Variants in SMAP1 observed in about 807,000 individuals in gnomAD.
The protein encoded by SMAP1 is small ArfGAP 1, also known as stromal membrane-associated protein 1.
In SMAP1, 24 loss-of-function variants were observed where a neutral mutation model predicts 58.5. The ratio of observed to expected loss-of-function variants is 0.41; its 90% CI spans 0.30 to 0.58. SMAP1 has a LOEUF of 0.58. SMAP1 is among the 20% of genes least tolerant of loss of function. The pLI is 0.29. For synonymous variants in SMAP1, 216 were observed against 196.6 expected (o/e 1.10, Z -0.82); for missense variants, 563 against 566.3 (o/e 0.99, Z 0.06).
intron 7 of SMAP1, among the ~76,000 whole-genome samples, chr6:70,846,277 C>T (rs926108200): frequency 2.6e-5 from 4 of 152,132 alleles, no homozygotes; most frequent in African/African-American, 9.7e-5. Flanking sequence ...AGAAATCCTC[C>T]CATAACCTGT....
At chr6:70,846,961 C>G (rs1405853353) in intron 7 of SMAP1, among the ~76,000 whole-genome samples, 1 of 152,158 alleles carries the variant, frequency 6.6e-6, no homozygotes, top group Non-Finnish European at 1.5e-5. Context: ...ATCAGAGTAT[C>G]TGGCACATAG....
intron 6 of SMAP1, among the ~76,000 whole-genome samples, chr6:70,817,138 ATT>A (rs34064328): frequency 5.0e-5 from 7 of 140,514 alleles, no homozygotes; most frequent in African/African-American, 1.4e-4. Context: ...ATATATATAT[ATT>A]TTTTTTTTGC....
chr6:70,771,984 G>C (rs1384631145), intron 3 of SMAP1, among the ~76,000 whole-genome samples: 1 of 152,194 alleles, frequency 6.6e-6, no homozygotes, highest in African/African-American at 2.4e-5. Flanking sequence ...CAGGGCACAA[G>C]GTGGGAACCA....
chr6:70,819,742 G>C lies in SMAP1; in HGVS notation c.577-17199G>C, dbSNP rs189324658. 9.8e-5 allele frequency among the ~76,000 whole-genome samples: 15 copies of C among 152,322 alleles called. No homozygotes were observed. The East Asian group carries it at 2.5e-3, about 25-fold the overall frequency. On this transcript the variant is annotated intron_variant, in intron 6 of 10. Coordinates refer to ENST00000370455, the MANE Select transcript of SMAP1 (RefSeq NM_001044305.3). ...AATATGTTGAAGTCGCATAAGAACA[G>C]TGTTATTTCCAAGATTTCGAAATAG... is the stretch of plus-strand genomic sequence containing the variant.
At position 70,772,610 on chromosome 6, in the gene SMAP1, G is replaced by A. The variant is rs577121813; in HGVS notation, c.339-740G>A. 1.6e-4 allele frequency among the ~76,000 whole-genome samples: 25 copies of A among 152,210 alleles called. No individual in the cohort carries two copies. The East Asian group carries it at 2.7e-3, about 16-fold the overall frequency. ...TGGTAAGAGAAGTTATTGATGTCAC[G>A]TAACTCTAAACACTCAATCCCAGTA... On this transcript the variant is annotated intron_variant, in intron 3 of 10. Transcript: ENST00000370455.
chr6:70,797,937 A>G (rs924717612), intron 5 of SMAP1, among the ~76,000 whole-genome samples: 3 of 151,884 alleles, frequency 2.0e-5, no homozygotes, highest in African/African-American at 7.3e-5. Context: ...ATTTTCCTCT[A>G]TTGGCCCTTA....
intron 4 of SMAP1, among the ~76,000 whole-genome samples, chr6:70,779,838 G>A (rs1397194656): frequency 2.6e-5 from 4 of 152,182 alleles, no homozygotes; most frequent in Admixed American, 1.3e-4. Context: ...AAGCAGTGAT[G>A]CTAGTGCTGG....
chr6:70,820,432 C>T (rs1288891942), intron 6 of SMAP1, among the ~76,000 whole-genome samples: 1 of 152,134 alleles, frequency 6.6e-6, no homozygotes, highest in Non-Finnish European at 1.5e-5. Flanking sequence ...ATTATTTAGG[C>T]CGGGTGCAAT....
chr6:70,822,679 G>GT (rs1188261901), intron 6 of SMAP1, among the ~76,000 whole-genome samples: 1 of 152,084 alleles, frequency 6.6e-6, no homozygotes, highest in Admixed American at 6.6e-5. Context: ...TGGATGTGTG[G>GT]TTTTGTATCC....
At chr6:70,821,161 TCAA>T (rs1303051070) in intron 6 of SMAP1, among the ~76,000 whole-genome samples, 3 of 152,152 alleles carry the variant, frequency 2.0e-5, no homozygotes, top group Non-Finnish European at 4.4e-5. Context: ...TAGATTTATA[TCAA>T]CAAGATTAAG....
In SMAP1 at chr6:70,690,135, G is replaced by A. The variant is rs143190651; in HGVS notation, c.118+21994G>A. ...GCTTGTTTTGTTCCTGATACTAAGG[G>A]AGAAAGGGTTCAGACTTTATCTTTT... On this transcript the variant is annotated intron_variant, in intron 1 of 10. Transcript: ENST00000370455. Among the ~76,000 whole-genome samples the A allele has an allele frequency of 4.1e-4, 63 of 152,260 alleles. No homozygotes were observed. In the East Asian group the frequency reaches 8.7e-3, roughly 21 times the overall value.
intron 5 of SMAP1, among the ~76,000 whole-genome samples, chr6:70,794,037 G>A (rs1768490084): frequency 6.6e-6 from 1 of 152,058 alleles, no homozygotes. Context: ...CCGGCCCTAT[G>A]TCTTTATTTA....
chr6:70,667,980 C>A lies in SMAP1; in HGVS notation c.-44C>A. 6.6e-7 allele frequency: 1 copy of A among 1,509,604 alleles called. No individual in the cohort carries two copies. Among genetic ancestry groups the A allele is most frequent in the Non-Finnish European group, 9.0e-7 (1 of 1,117,082 alleles). The allele number at this position is 1,509,604 out of a possible 1,614,324, so 93.5% of individuals were successfully genotyped here. On this transcript the variant is annotated 5_prime_UTR_variant, in exon 1 of 11. Coordinates refer to ENST00000370455, the MANE Select transcript of SMAP1 (RefSeq NM_001044305.3). The stretch of plus-strand genomic sequence containing the variant: ...ACTCTGCCCGGCTCCAGCCAGCGTC[C>A]GCCGCCGCCGTAGCTGCCCCAGGCT...
chr6:70,767,578 G>C (rs1444440423), intron 3 of SMAP1, among the ~76,000 whole-genome samples: 1 of 151,568 alleles, frequency 6.6e-6, no homozygotes, highest in Non-Finnish European at 1.5e-5. Flanking sequence ...AAGAATGCTT[G>C]TGATTTTTGT....
intron 2 of SMAP1, among the ~76,000 whole-genome samples, chr6:70,753,986 T>C (rs922260297): frequency 1.3e-5 from 2 of 151,864 alleles, no homozygotes; most frequent in Admixed American, 6.6e-5. Flanking sequence ...TATTTTTTGT[T>C]TGAAGAAAGA....
rs575772625 is a variant in SMAP1 at position 70,791,039 on chromosome 6, T to G, written c.415-650T>G. Among the ~76,000 whole-genome samples the G allele has an allele frequency of 2.0e-5, 3 of 152,314 alleles. No homozygotes were observed. In the South Asian group the frequency reaches 6.2e-4, roughly 32 times the overall value. On this transcript the variant is annotated intron_variant, in intron 4 of 10. Coordinates refer to ENST00000370455, the MANE Select transcript of SMAP1 (RefSeq NM_001044305.3). ...TGCCTGTGCTGCATATATAACTGTC[T>G]CATAATGCTTTGGGGTAATTCAGCA...
chr6:70,859,750 A>G (rs1297588180), intron 10 of SMAP1: 1 of 180,622 alleles, frequency 5.5e-6, no homozygotes, highest in African/African-American at 2.4e-5. Flanking sequence ...GATCAGCGAG[A>G]GAAATAAATG....
intron 6 of SMAP1, among the ~76,000 whole-genome samples, chr6:70,831,888 G>A (rs1296904255): frequency 6.6e-6 from 1 of 152,080 alleles, no homozygotes; most frequent in Non-Finnish European, 1.5e-5. Context: ...TACCAGCAGT[G>A]TATATGTGTT....
chr6:70,750,395 A>T (rs1766227389), intron 2 of SMAP1, among the ~76,000 whole-genome samples: 1 of 152,214 alleles, frequency 6.6e-6, no homozygotes, highest in Non-Finnish European at 1.5e-5. Flanking sequence ...AAATGTGATA[A>T]GCAAATGTCA....
Sources: allele counts gnomAD v4.1 joint callset (sites outside exome capture counted in the v4.1 genomes callset), GRCh38; gene constraint gnomAD v4.1.1; transcripts MANE v1.5; gene names NCBI Gene and HGNC (gene_info 2026-07-23, HGNC 2026-07-21).